LRFN2: variants seen among roughly 807,000 people sequenced by gnomAD.
LRFN2 encodes the protein leucine-rich repeat and fibronectin type-III domain-containing protein 2.
A neutral mutation model predicts 37.3 loss-of-function variants in LRFN2; 18 were observed. That is an observed-to-expected ratio of 0.48 (90% CI 0.33 to 0.72). LRFN2 has a LOEUF of 0.72. Among genes scored for constraint, LRFN2 ranks in the 30% least tolerant of loss-of-function variants. LRFN2 has a pLI of 0.02. For missense variants in LRFN2, 1,006 were observed against 1,060.7 expected (o/e 0.95, Z 0.72); for synonymous variants, 556 against 466.6 (o/e 1.19, Z -2.47).
At chr6:40,448,183 G>A (rs1764017597) in intron 1 of LRFN2, among the ~76,000 whole-genome samples, 1 of 152,088 alleles carries the variant, frequency 6.6e-6, no homozygotes, top group South Asian at 2.1e-4. Context: ...GGATTTGCGG[G>A]CTTGCTGAGT....
intron 2 of LRFN2, among the ~76,000 whole-genome samples, chr6:40,416,018 G>C (rs1167950966): frequency 2.0e-5 from 3 of 152,200 alleles, no homozygotes; most frequent in Non-Finnish European, 4.4e-5. Flanking sequence ...ACTTTTGTTT[G>C]CTTGTTTTGA....
chr6:40,540,459 C>T (rs1766532708), intron 1 of LRFN2, among the ~76,000 whole-genome samples: 1 of 152,094 alleles, frequency 6.6e-6, no homozygotes, highest in African/African-American at 2.4e-5. Flanking sequence ...CCCACTCCCT[C>T]CCCACCACCA....
chr6:40,404,157 T>C (rs1762797959), intron 2 of LRFN2, among the ~76,000 whole-genome samples: 1 of 152,240 alleles, frequency 6.6e-6, no homozygotes, highest in South Asian at 2.1e-4. Context: ...CACTCCATTT[T>C]TCCCCAATGC....
At position 40,392,832 on chromosome 6, in the gene LRFN2, A is replaced by G. The variant is rs1325782223; in HGVS notation, c.1481T>C (p.Met494Thr). 1.2e-6 allele frequency: 2 copies of G among 1,614,098 alleles called. No homozygotes were observed. Among genetic ancestry groups the G allele is most frequent in the South Asian group, 1.1e-5 (1 of 91,056 alleles). The change falls in exon 3 of 3, where the codon ATG becomes ACG. Residue 494 changes from methionine to threonine, a missense_variant. By Grantham distance (81) the Met-to-Thr change is moderately conservative. Around this residue, in one of 4 missense-constraint regions of LRFN2, gnomAD observed 120 missense variants for 178.4 expected, o/e 0.67. Coordinates refer to ENST00000338305, the MANE Select transcript of LRFN2 (RefSeq NM_020737.3). This position sits in a 1 kb window ranked among gnomAD's most constrained non-coding sequence, Gnocchi z 4.7. ...GTGYDLCVLA[M>T]WDDTATTLTA... ...GAGTGTCGTGGCTGTGTCATCCCAC[A>G]TGGCCAGCACACACAAGTCGTAGCC...
At chr6:40,487,931 G>T (rs1765003203) in intron 1 of LRFN2, among the ~76,000 whole-genome samples, 1 of 152,154 alleles carries the variant, frequency 6.6e-6, no homozygotes, top group Non-Finnish European at 1.5e-5. Context: ...GCCTGGTGTG[G>T]GGTGGAAGCC....
At chr6:40,398,158 G>GTCC (rs2113794541) in intron 2 of LRFN2, among the ~76,000 whole-genome samples, 1 of 151,916 alleles carries the variant, frequency 6.6e-6, no homozygotes, top group African/African-American at 2.4e-5. Context: ...GTGTGGGGCT[G>GTCC]ACCTCTGCAT....
intron 2 of LRFN2, among the ~76,000 whole-genome samples, chr6:40,424,407 G>A (rs55929843): frequency 0.11 from 16,863 of 152,222 alleles, 1,025 homozygotes; most frequent in Non-Finnish European, 0.13. Flanking sequence ...CCCACAGCAG[G>A]TACATAGCAC....
chr6:40,430,894 C>T (rs1227438206), intron 2 of LRFN2, among the ~76,000 whole-genome samples: 1 of 152,146 alleles, frequency 6.6e-6, no homozygotes, highest in African/African-American at 2.4e-5. Context: ...TCTAAGTAGG[C>T]TCTAGGGCTG....
chr6:40,579,390 C>G (rs1441219373), intron 1 of LRFN2, among the ~76,000 whole-genome samples: 1 of 152,152 alleles, frequency 6.6e-6, no homozygotes, highest in Non-Finnish European at 1.5e-5. Flanking sequence ...CAAATCTCTT[C>G]ATCCTATCAG....
chr6:40,549,359 G>T (rs1327422223), intron 1 of LRFN2, among the ~76,000 whole-genome samples: 7 of 152,194 alleles, frequency 4.6e-5, no homozygotes, highest in African/African-American at 1.7e-4. Context: ...AAGGAGGGTG[G>T]TTAAACTGCT....
At chr6:40,561,446 C>T (rs1224960141) in intron 1 of LRFN2, among the ~76,000 whole-genome samples, 1 of 152,212 alleles carries the variant, frequency 6.6e-6, no homozygotes, top group African/African-American at 2.4e-5. Flanking sequence ...AGAACTTCCC[C>T]ATGAGCACTG....
intron 1 of LRFN2, among the ~76,000 whole-genome samples, chr6:40,510,873 G>A (rs1765687952): frequency 6.6e-6 from 1 of 152,190 alleles, no homozygotes; most frequent in Admixed American, 6.5e-5. Flanking sequence ...TCACACAGCA[G>A]TGATGAAGGA....
rs185601841 is a variant in LRFN2 at position 40,511,134 on chromosome 6, C to A, written c.-19+75807G>T. On this transcript the variant is annotated intron_variant, in intron 1 of 2. Transcript: ENST00000338305. ...CACCAGGGGAAATAATGAGGGGAGA[C>A]CTTGAGGGGGCACGAAGGTCAGATG... Among the ~76,000 whole-genome samples, 321 of 152,110 alleles carry A rather than the reference C, an allele frequency of 2.1e-3. 2 individuals are homozygous for A. The highest frequency in any genetic ancestry group is 7.6e-3 in the African/African-American group (315 of 41,458).
Position 40,432,167 on chromosome 6 carries a change from G to T in LRFN2, c.947C>A (p.Pro316His). Residue 316 changes from proline to histidine, a missense_variant, in exon 2 of 3, where the codon CCC becomes CAC. This residue lies in a region of LRFN2 where 303 missense variants were observed against 299.8 expected (regional missense o/e 1.01). Transcript: ENST00000338305. ...GGCTACCCAGTGGATAAGGGGGCTG[G>T]GGTCCCCAATGGCTTTGCACTTGAG... ...ATLKCKAIGD[P>H]SPLIHWVAPD... 6.2e-7 allele frequency: 1 copy of T among 1,613,826 alleles called. No individual in the cohort carries two copies. The highest frequency in any genetic ancestry group is 8.5e-7 in the Non-Finnish European group (1 of 1,180,030).
At chr6:40,475,088 G>A (rs1764680646) in intron 1 of LRFN2, among the ~76,000 whole-genome samples, 1 of 152,188 alleles carries the variant, frequency 6.6e-6, no homozygotes, top group Admixed American at 6.5e-5. Flanking sequence ...ATATGTGCAG[G>A]AGGAGCCTCC....
At chr6:40,485,744 G>A (rs1764941881) in intron 1 of LRFN2, among the ~76,000 whole-genome samples, 1 of 152,218 alleles carries the variant, frequency 6.6e-6, no homozygotes, top group Non-Finnish European at 1.5e-5. Flanking sequence ...AATAAGGAAA[G>A]CTGTAGCTCA....
At chr6:40,420,879 A>G (rs1332332682) in intron 2 of LRFN2, among the ~76,000 whole-genome samples, 2 of 152,228 alleles carry the variant, frequency 1.3e-5, no homozygotes, top group Non-Finnish European at 2.9e-5. Context: ...GGAAGTGTGG[A>G]AGGAAGTCAG....
intron 1 of LRFN2, among the ~76,000 whole-genome samples, chr6:40,471,275 A>G (rs910764698): frequency 6.6e-6 from 1 of 152,088 alleles, no homozygotes; most frequent in Non-Finnish European, 1.5e-5. Flanking sequence ...CTTCCAAATG[A>G]CTTTTCCCAA....
intron 1 of LRFN2, among the ~76,000 whole-genome samples, chr6:40,472,182 C>T (rs1437435070): frequency 6.6e-6 from 1 of 152,232 alleles, no homozygotes; most frequent in Non-Finnish European, 1.5e-5. Flanking sequence ...CTCTGCTCCT[C>T]ATCTTCCCTC....
Sources: gnomAD v4.1 joint callset for allele counts (sites outside exome capture counted in the v4.1 genomes callset) on GRCh38, gnomAD v4.1.1 for gene constraint, gnomAD v4.1.1 regional missense constraint, Gnocchi (gnomAD v3.1) non-coding constraint, MANE v1.5 for transcripts, NCBI Gene and HGNC (gene_info 2026-07-23, HGNC 2026-07-21) for gene names.